Variants in LMO7 observed in about 807,000 individuals in gnomAD.
LMO7 encodes LIM domain only protein 7.
Under a neutral mutation model 206.5 loss-of-function variants are expected in LMO7, and 120 were observed. The observed-to-expected ratio is 0.58, with a 90% CI of 0.50 to 0.68. The LOEUF is 0.68. LMO7 is among the 30% of genes least tolerant of loss of function. LMO7 has a pLI of 0.00. For missense variants in LMO7, 1,959 were observed against 1,957.9 expected (o/e 1.00, Z -0.01); for synonymous variants, 706 against 681.5 (o/e 1.04, Z -0.56).
chr13:75,798,756 T>C (rs2054348094), intron 6 of LMO7, among the ~76,000 whole-genome samples: 1 of 152,346 alleles, frequency 6.6e-6, no homozygotes, highest in African/African-American at 2.4e-5. Flanking sequence ...TTGTAGCACC[T>C]CAGTCAGTCA....
In LMO7 at chr13:75,781,096, C is replaced by CTTTTTTTTTTTTTT. The variant is rs367937964; in HGVS notation, c.318-14295_318-14282dup. ...ATTTTTTTAACCTTACTCTATTTTC[C>CTTTTTTTTTTTTTT]TTTTTTTTTTTTTTTTTTTTTTTGC... On this transcript the variant is annotated intron_variant, in intron 4 of 30. Coordinates refer to ENST00000377534, the MANE Select transcript of LMO7 (RefSeq NM_001306080.2). 8.1e-4 allele frequency among the ~76,000 whole-genome samples: 34 copies of CTTTTTTTTTTTTTT among 41,906 alleles called. 1 individual carries two copies. The highest frequency in any genetic ancestry group is 2.1e-3 in the East Asian group (2 of 958). 27.5% of individuals were successfully genotyped at this position (41,906 alleles called of 152,430 possible). A position where few individuals can be genotyped will look rare whatever the true frequency, so the allele number is the denominator to read the frequency against.
chr13:75,731,404 GA>G (rs2045203431), intron 3 of LMO7, among the ~76,000 whole-genome samples: 1 of 152,040 alleles, frequency 6.6e-6, no homozygotes, highest in African/African-American at 2.4e-5. Flanking sequence ...TGTCTCTTTT[GA>G]TCTGTGTTGG....
chr13:75,623,236 T>C, intron 1 of LMO7: 5 of 1,081,870 alleles, frequency 4.6e-6, no homozygotes, highest in Non-Finnish European at 7.0e-6. Context: ...TCTGTATTGG[T>C]TTTTTAACTT....
intron 3 of LMO7, among the ~76,000 whole-genome samples, chr13:75,737,786 A>AAT (rs1481154677): frequency 1.2e-5 from 1 of 83,780 alleles, no homozygotes. Flanking sequence ...ATAAAATAAA[A>AAT]AAAAAAAAAA....
intron 3 of LMO7, among the ~76,000 whole-genome samples, chr13:75,735,126 T>A (rs1303649078): frequency 6.6e-6 from 1 of 150,776 alleles, no homozygotes. Context: ...CGTGTGTGTG[T>A]GTGTGTGTGT....
At chr13:75,752,522 A>G (rs1003232333) in intron 3 of LMO7, among the ~76,000 whole-genome samples, 1 of 152,176 alleles carries the variant, frequency 6.6e-6, no homozygotes, top group African/African-American at 2.4e-5. Flanking sequence ...AGGGGCCTTC[A>G]GTGCATTCAT....
At chr13:75,626,996 G>T (rs1161067582) in intron 2 of LMO7, 1 of 152,142 alleles carries the variant, frequency 6.6e-6, no homozygotes, top group Admixed American at 6.5e-5. Context: ...ATAGGGGAAT[G>T]AAGGGGTTAT....
At chr13:75,817,862 T>A (rs780537008) in intron 12 of LMO7, among the ~76,000 whole-genome samples, 4 of 152,200 alleles carry the variant, frequency 2.6e-5, no homozygotes, top group Admixed American at 1.3e-4. Context: ...TCTTTAGTTT[T>A]GATCCTGAAG....
intron 2 of LMO7, among the ~76,000 whole-genome samples, chr13:75,719,898 G>A (rs2043874738): frequency 6.6e-6 from 1 of 152,162 alleles, no homozygotes; most frequent in Non-Finnish European, 1.5e-5. Context: ...AGTATATTTA[G>A]TTTTGTAAGA....
At chr13:75,683,929 A>T (rs2040762631) in intron 1 of LMO7, among the ~76,000 whole-genome samples, 2 of 152,214 alleles carry the variant, frequency 1.3e-5, no homozygotes, top group South Asian at 4.1e-4. Context: ...TTTTATGCAG[A>T]TGAAGCCTCC....
upstream of LMO7, among the ~76,000 whole-genome samples, chr13:75,634,536 C>G (rs1175401591): frequency 2.0e-5 from 3 of 152,004 alleles, no homozygotes; most frequent in African/African-American, 7.2e-5. Context: ...GTCAGGACAT[C>G]GAGACCATCC....
At chr13:75,766,807 C>T (rs917315371) in intron 4 of LMO7, among the ~76,000 whole-genome samples, 2 of 152,076 alleles carry the variant, frequency 1.3e-5, no homozygotes, top group African/African-American at 4.8e-5. Flanking sequence ...CTCCTTGGTT[C>T]CTGTTACCAT....
At chr13:75,839,817 C>T (rs569947131) in intron 20 of LMO7, 7 of 312,176 alleles carry the variant, frequency 2.2e-5, no homozygotes, top group African/African-American at 1.5e-4. Context: ...CAGAAATATC[C>T]ATTGATCCTA....
At chr13:75,662,225 T>C (rs2038674659) in intron 1 of LMO7, among the ~76,000 whole-genome samples, 2 of 152,228 alleles carry the variant, frequency 1.3e-5, no homozygotes, top group Admixed American at 1.3e-4. Flanking sequence ...ATTTTGCACA[T>C]AATTTCAGTG....
intron 1 of LMO7, among the ~76,000 whole-genome samples, chr13:75,695,281 C>T (rs1594333354): frequency 6.6e-6 from 1 of 152,294 alleles, no homozygotes; most frequent in East Asian, 1.9e-4. Flanking sequence ...CTCACTGAAT[C>T]AAGGTGATTT....
intron 4 of LMO7, among the ~76,000 whole-genome samples, chr13:75,763,516 T>C (rs2048454538): frequency 6.6e-6 from 1 of 152,192 alleles, no homozygotes; most frequent in African/African-American, 2.4e-5. Flanking sequence ...GCATTGTAAC[T>C]TGTCTGAGAG....
chr13:75,635,025 AAAC>A (rs1387900017), upstream of LMO7, among the ~76,000 whole-genome samples: 4 of 150,426 alleles, frequency 2.7e-5, no homozygotes, highest in South Asian at 4.2e-4. Context: ...AAACAAAACA[AAAC>A]AAAACAAAAC....
intron 4 of LMO7, among the ~76,000 whole-genome samples, chr13:75,783,968 G>T (rs560227226): frequency 6.6e-6 from 1 of 152,230 alleles, no homozygotes; most frequent in East Asian, 1.9e-4. Context: ...TCTGATTAGT[G>T]GAGTTAGCTA....
At chr13:75,646,604 A>G (rs1258584124) in intron 1 of LMO7, among the ~76,000 whole-genome samples, 3 of 144,982 alleles carry the variant, frequency 2.1e-5, no homozygotes, top group African/African-American at 7.7e-5. Flanking sequence ...AATTTTTGAG[A>G]TGGAGTTTCA....
Sources: gnomAD v4.1 joint callset for allele counts (sites outside exome capture counted in the v4.1 genomes callset) on GRCh38, gnomAD v4.1.1 for gene constraint, MANE v1.5 for transcripts, NCBI Gene and HGNC (gene_info 2026-07-23, HGNC 2026-07-21) for gene names.